The following RANBP9 variants were observed in gnomAD, a reference collection of about 807,000 sequenced individuals.
The protein encoded by RANBP9 is RAN binding protein 9, also known as ran-binding protein 9.
Under a neutral mutation model 84.3 loss-of-function variants are expected in RANBP9, and 15 were observed. That is an observed-to-expected ratio of 0.18 (90% CI 0.12 to 0.27). The LOEUF is 0.27. RANBP9 is among the 10% of genes least tolerant of loss of function. The pLI, the probability that RANBP9 is intolerant of heterozygous loss-of-function variation, is 1.00. For missense variants in RANBP9, 809 were observed against 912.8 expected (o/e 0.89, Z 1.46); for synonymous variants, 392 against 349.6 (o/e 1.12, Z -1.35).
At chr6:13,623,260 A>G (rs1263668269) in intron 13 of RANBP9, among the ~76,000 whole-genome samples, 1 of 152,208 alleles carries the variant, frequency 6.6e-6, no homozygotes, top group Non-Finnish European at 1.5e-5. Flanking sequence ...TGAGAAGGCA[A>G]TGTCCAAACT....
rs527955830 is a variant in RANBP9 at position 13,711,522 on chromosome 6, C to T, written c.-17G>A. 3.1e-5 allele frequency: 38 copies of T among 1,245,364 alleles called. No homozygotes were observed. Among genetic ancestry groups the T allele is most frequent in the Admixed American group, 2.9e-4 (9 of 30,802 alleles). The allele number at this position is 1,245,364 out of a possible 1,614,324, so 77.1% of individuals were successfully genotyped here. On this transcript the variant is annotated 5_prime_UTR_variant, in exon 1 of 14. Transcript: ENST00000011619. ...CCCGGACATCCCGGCCGCGACTCAG[C>T]CTGCGGCCACCTCCACCTCTTCTCT...
At chr6:13,662,844 C>T (rs1373691783) in intron 2 of RANBP9, among the ~76,000 whole-genome samples, 1 of 152,036 alleles carries the variant, frequency 6.6e-6, no homozygotes, top group African/African-American at 2.4e-5. Context: ...TAAATCTTTA[C>T]TGATGTACTT....
At chr6:13,666,460 T>A (rs1392644525) in intron 2 of RANBP9, among the ~76,000 whole-genome samples, 1 of 151,618 alleles carries the variant, frequency 6.6e-6, no homozygotes, top group Non-Finnish European at 1.5e-5. Flanking sequence ...AAAACAATTT[T>A]ACACCAATTA....
chr6:13,708,085 C>A (rs1037216174), intron 1 of RANBP9, among the ~76,000 whole-genome samples: 2 of 152,292 alleles, frequency 1.3e-5, no homozygotes, highest in African/African-American at 4.8e-5. Flanking sequence ...AGGAACAATA[C>A]TGCTTCCAAA....
At chr6:13,688,148 TCA>T (rs1766235450) in intron 2 of RANBP9, among the ~76,000 whole-genome samples, 4 of 152,342 alleles carry the variant, frequency 2.6e-5, no homozygotes, top group Middle Eastern at 3.4e-3. Flanking sequence ...TATTTCCTTT[TCA>T]CAGACTGAGA....
chr6:13,694,992 G>A (rs985043707), intron 2 of RANBP9, among the ~76,000 whole-genome samples: 1 of 152,016 alleles, frequency 6.6e-6, no homozygotes, highest in African/African-American at 2.4e-5. Context: ...TCACAGAACA[G>A]TACACTAAAA....
chr6:13,710,797 C>G (rs1464501736), intron 1 of RANBP9, 138 bp downstream of exon 1: 1 of 912,090 alleles, frequency 1.1e-6, no homozygotes, highest in Non-Finnish European at 1.6e-6. Context: ...CCACCCGGAG[C>G]AGCACAACAG....
In RANBP9 at chr6:13,622,272, T is replaced by TA. The variant is rs1341414440; in HGVS notation, c.*89dup. 3 of 1,300,440 alleles carry TA rather than the reference T, an allele frequency of 2.3e-6. No individual in the cohort carries two copies. Among genetic ancestry groups the TA allele is most frequent in the South Asian group, 5.5e-5 (2 of 36,634 alleles). The allele number at this position is 1,300,440 out of a possible 1,614,324, so 80.6% of individuals were successfully genotyped here. ...AAAAACCTGTCCCCAGTACATAATT[T>TA]AAAAAATCTAAATTTCAAATCAGCA... On this transcript the variant is annotated 3_prime_UTR_variant, in exon 14 of 14. Transcript: ENST00000011619.
intron 2 of RANBP9, among the ~76,000 whole-genome samples, chr6:13,681,021 T>C (rs1766022178): frequency 2.0e-5 from 3 of 152,126 alleles, no homozygotes; most frequent in South Asian, 4.1e-4. Context: ...GATAACAGTA[T>C]AGTGTATGCA....
At chr6:13,680,261 G>A (rs1310103409) in intron 2 of RANBP9, among the ~76,000 whole-genome samples, 1 of 151,934 alleles carries the variant, frequency 6.6e-6, no homozygotes, top group Non-Finnish European at 1.5e-5. Context: ...ACCATCATAC[G>A]AAAAAACTTT....
chr6:13,637,430 T>C (rs1215465786), intron 10 of RANBP9, among the ~76,000 whole-genome samples: 2 of 152,236 alleles, frequency 1.3e-5, no homozygotes, highest in Non-Finnish European at 2.9e-5. Flanking sequence ...ATTTATCTTA[T>C]GTCACCGTTC....
At chr6:13,659,150 T>C (rs939014778) in intron 2 of RANBP9, among the ~76,000 whole-genome samples, 1 of 151,760 alleles carries the variant, frequency 6.6e-6, no homozygotes, top group African/African-American at 2.4e-5. Flanking sequence ...GATTAAGATT[T>C]CTCACAAAAA....
chr6:13,648,800 G>A (rs2127767601), intron 5 of RANBP9, among the ~76,000 whole-genome samples: 1 of 152,260 alleles, frequency 6.6e-6, no homozygotes, highest in South Asian at 2.1e-4. Flanking sequence ...CATTTAAAAT[G>A]AGAACAGCTA....
chr6:13,642,626 T>C (rs1456128214), intron 6 of RANBP9, 35 bp from the exon 7 acceptor site: 1 of 1,383,544 alleles, frequency 7.2e-7, no homozygotes, highest in Non-Finnish European at 1.0e-6. Context: ...CATCTTTTAG[T>C]GAAGAGAATA....
intron 2 of RANBP9, among the ~76,000 whole-genome samples, chr6:13,678,226 A>G (rs1765941873): frequency 6.6e-6 from 1 of 152,220 alleles, no homozygotes; most frequent in Non-Finnish European, 1.5e-5. Context: ...TATCTAAAAG[A>G]AATGAGAACT....
At chr6:13,657,647 A>T (rs892415277) in intron 3 of RANBP9, among the ~76,000 whole-genome samples, 1 of 152,230 alleles carries the variant, frequency 6.6e-6, no homozygotes, top group Admixed American at 6.5e-5. Context: ...ATATAACATA[A>T]GAGATTACAT....
chr6:13,634,358 A>T, intron 11 of RANBP9, 73 bp downstream of exon 11: 2 of 1,522,732 alleles, frequency 1.3e-6, no homozygotes, highest in Non-Finnish European at 1.8e-6. Flanking sequence ...ATCAGCTGTG[A>T]ATCAGTACAA....
At chr6:13,669,124 T>C (rs183350471) in intron 2 of RANBP9, among the ~76,000 whole-genome samples, 1 of 138,074 alleles carries the variant, frequency 7.2e-6, no homozygotes, top group East Asian at 2.0e-4. Context: ...AATACTTTCA[T>C]TTGGAACAGA....
chr6:13,639,522 A>G (rs1218616935), intron 9 of RANBP9, 41 bp downstream of exon 9: 4 of 1,540,820 alleles, frequency 2.6e-6, no homozygotes, highest in African/African-American at 2.7e-5. Context: ...AAGATTATAA[A>G]GAGGAAAAAT....
Sources: gnomAD v4.1 joint callset for allele counts (sites outside exome capture counted in the v4.1 genomes callset) on GRCh38, gnomAD v4.1.1 for gene constraint, MANE v1.5 for transcripts, NCBI Gene and HGNC (gene_info 2026-07-23, HGNC 2026-07-21) for gene names.